The following PARD3 variants were observed in gnomAD, a reference collection of about 807,000 sequenced individuals.
The protein encoded by PARD3 is par-3 family cell polarity regulator, also known as partitioning defective 3 homolog.
A neutral mutation model predicts 155.4 loss-of-function variants in PARD3; 75 were observed. The observed-to-expected ratio is 0.48, with a 90% CI of 0.40 to 0.58. PARD3 has a LOEUF of 0.58. Among genes scored for constraint, PARD3 ranks in the 20% least tolerant of loss-of-function variants. The pLI is 0.00. For missense variants in PARD3, 1,642 were observed against 1,721.7 expected (o/e 0.95, Z 0.82); for synonymous variants, 576 against 610.5 (o/e 0.94, Z 0.83).
chr10:34,714,726 T>C (rs190370820), intron 1 of PARD3, among the ~76,000 whole-genome samples: 1 of 152,240 alleles, frequency 6.6e-6, no homozygotes, highest in Non-Finnish European at 1.5e-5. Flanking sequence ...AGGGTGCTCC[T>C]GAGTCTCATT....
intron 1 of PARD3, among the ~76,000 whole-genome samples, chr10:34,725,607 G>C (rs987911729): frequency 1.3e-5 from 2 of 152,154 alleles, no homozygotes; most frequent in African/African-American, 2.4e-5. Context: ...CTACCCTTGG[G>C]GGGGCACAAT....
At chr10:34,776,835 T>TGGGGGGG (rs35834725) in intron 1 of PARD3, among the ~76,000 whole-genome samples, 7 of 64,606 alleles carry the variant, frequency 1.1e-4, no homozygotes, top group Non-Finnish European at 1.4e-4. Flanking sequence ...TGTTTTTTTG[T>TGGGGGGG]GGGGGGGGGG....
intron 16 of PARD3, among the ~76,000 whole-genome samples, chr10:34,340,251 A>G (rs890239987): frequency 1.3e-5 from 2 of 152,060 alleles, no homozygotes; most frequent in African/African-American, 2.4e-5. Flanking sequence ...GACTATGACC[A>G]CCTCCACAAT....
At chr10:34,269,422 T>C (rs1341955476) in intron 22 of PARD3, among the ~76,000 whole-genome samples, 1 of 152,228 alleles carries the variant, frequency 6.6e-6, no homozygotes, top group Non-Finnish European at 1.5e-5. Context: ...TATAAAACCA[T>C]CTTCAGAACA....
At chr10:34,800,490 A>G (rs1842750371) in intron 1 of PARD3, among the ~76,000 whole-genome samples, 1 of 151,900 alleles carries the variant, frequency 6.6e-6, no homozygotes, top group African/African-American at 2.4e-5. Flanking sequence ...GGGCACCTGT[A>G]ATCCCAGCTA....
Position 34,606,029 on chromosome 10 carries a change from C to CTA in PARD3, c.223-88872_223-88871dup, listed in dbSNP as rs1186224627. ...TATATATCTCCTATATCTATATCTCCTATATATATATATCTTCTATATATA... is the reference window on the plus strand; with the variant it reads ...TATATATCTCCTATATCTATATCTCCTATATATATATATATCTTCTATATATA... On this transcript the variant is annotated intron_variant, in intron 2 of 24. Transcript: ENST00000374788. Among the ~76,000 whole-genome samples, 14 of 127,356 alleles carry CTA rather than the reference C, an allele frequency of 1.1e-4. 1 individual carries two copies. In the South Asian group the frequency reaches 2.3e-3, roughly 21 times the overall value. 83.6% of individuals were successfully genotyped at this position (127,356 alleles called of 152,430 possible).
In PARD3 at chr10:34,317,380, CG is replaced by C. The variant is rs1564578137; in HGVS notation, c.2834-43del. 5 of 1,556,316 alleles carry C rather than the reference CG, an allele frequency of 3.2e-6. No homozygotes were observed. The East Asian group carries it at 1.1e-4, about 35-fold the overall frequency. ...AAAAAATAGGGACACAGTGAACCAA[CG>C]CAACAAAAATAATAAAGCTAAAATA... is the stretch of plus-strand genomic sequence containing the variant. On this transcript the variant is annotated intron_variant, in intron 19 of 24. Transcript: ENST00000374788.
chr10:34,133,351 A>G (rs1947716399), intron 22 of PARD3, among the ~76,000 whole-genome samples: 1 of 152,160 alleles, frequency 6.6e-6, no homozygotes, highest in Non-Finnish European at 1.5e-5. Flanking sequence ...CAGCAGTCAA[A>G]TAGACAAGCC....
chr10:34,438,675 C>G (rs1397758400), intron 5 of PARD3, among the ~76,000 whole-genome samples: 1 of 151,920 alleles, frequency 6.6e-6, no homozygotes, highest in African/African-American at 2.4e-5. Context: ...CAAGACAATG[C>G]CTGGGCCATT....
intron 2 of PARD3, among the ~76,000 whole-genome samples, chr10:34,615,465 T>C (rs2091189453): frequency 1.3e-5 from 2 of 152,140 alleles, no homozygotes; most frequent in Admixed American, 1.3e-4. Flanking sequence ...TCATCTCTAA[T>C]GGATTAAAGA....
At chr10:34,461,887 T>C (rs1020690062) in intron 4 of PARD3, among the ~76,000 whole-genome samples, 3 of 152,162 alleles carry the variant, frequency 2.0e-5, no homozygotes, top group Non-Finnish European at 4.4e-5. Flanking sequence ...AGCTCCAAAA[T>C]TTTATCAATA....
At chr10:34,632,117 G>C (rs2092296872) in intron 2 of PARD3, among the ~76,000 whole-genome samples, 1 of 152,208 alleles carries the variant, frequency 6.6e-6, no homozygotes, top group African/African-American at 2.4e-5. Flanking sequence ...AAATTAGCCA[G>C]GTGTGGTGGC....
chr10:34,225,512 A>T (rs377749083), intron 22 of PARD3, among the ~76,000 whole-genome samples: 197 of 152,148 alleles, frequency 1.3e-3, no homozygotes, highest in African/African-American at 4.6e-3. Flanking sequence ...CACCCAGCTA[A>T]TTTTTGTATT....
At chr10:34,597,100 T>C (rs961246649) in intron 2 of PARD3, among the ~76,000 whole-genome samples, 6 of 152,000 alleles carry the variant, frequency 3.9e-5, no homozygotes, top group Non-Finnish European at 8.8e-5. Flanking sequence ...GGGAAAACAT[T>C]AGTACTGAAA....
chr10:34,228,786 C>A (rs940252147), intron 22 of PARD3, among the ~76,000 whole-genome samples: 1 of 152,054 alleles, frequency 6.6e-6, no homozygotes, highest in Non-Finnish European at 1.5e-5. Context: ...CCTGTGCTCC[C>A]AAATGCAAGC....
At chr10:34,695,474 T>A (rs1183391539) in intron 2 of PARD3, among the ~76,000 whole-genome samples, 3 of 88,154 alleles carry the variant, frequency 3.4e-5, no homozygotes, top group African/African-American at 1.3e-4. Flanking sequence ...CAAGACTCCA[T>A]CTCAAAAAAA....
chr10:34,668,080 A>C (rs1447838144), intron 2 of PARD3, among the ~76,000 whole-genome samples: 1 of 152,218 alleles, frequency 6.6e-6, no homozygotes, highest in Non-Finnish European at 1.5e-5. Context: ...GTGGAAAAAT[A>C]AGCAAGACAG....
intron 22 of PARD3, among the ~76,000 whole-genome samples, chr10:34,135,998 C>G (rs1947876578): frequency 2.0e-5 from 3 of 152,328 alleles, no homozygotes; most frequent in Non-Finnish European, 4.4e-5. Flanking sequence ...ACAGCTTTCT[C>G]TCCCAAATTT....
At chr10:34,667,095 G>C (rs1375178648) in intron 2 of PARD3, among the ~76,000 whole-genome samples, 3 of 152,068 alleles carry the variant, frequency 2.0e-5, no homozygotes, top group Non-Finnish European at 4.4e-5. Flanking sequence ...TTGAACACGG[G>C]AGGCGGAGGT....
Sources: gnomAD v4.1 joint callset for allele counts (sites outside exome capture counted in the v4.1 genomes callset) on GRCh38, gnomAD v4.1.1 for gene constraint, MANE v1.5 for transcripts, NCBI Gene and HGNC (gene_info 2026-07-23, HGNC 2026-07-21) for gene names.